TMEM223: variants seen among roughly 807,000 people sequenced by gnomAD.
The protein encoded by TMEM223 is transmembrane protein 223.
A neutral mutation model predicts 14.1 loss-of-function variants in TMEM223; 14 were observed. The ratio of observed to expected loss-of-function variants is 0.99; its 90% CI spans 0.66 to 1.55. The LOEUF (loss-of-function observed/expected upper bound fraction) is 1.55, where lower values mean the gene tolerates loss of function less well. Among genes scored for constraint, TMEM223 ranks in the 40% most tolerant of loss-of-function variants. The pLI is 0.00. For missense variants in TMEM223, 346 were observed against 269.9 expected (o/e 1.28, Z -1.97); for synonymous variants, 145 against 120.5 (o/e 1.20, Z -1.33).
At chr11:62,791,016 G>T (rs777284352) in intron 1 of TMEM223, 101 bp from the exon 2 acceptor site, 7 of 1,297,886 alleles carry the variant, frequency 5.4e-6, no homozygotes, top group Non-Finnish European at 7.2e-6. Context: ...GATGAAAGTA[G>T]TATTTACTGA....
chr11:62,771,987 C>T (rs1590931168), exon 3 of TMEM223: 2 of 402,886 alleles, frequency 5.0e-6, no homozygotes. Flanking sequence ...GTTCCCCATA[C>T]AGCTGGCGGC....
intron 1 of TMEM223, chr11:62,776,268 AT>A (rs1173329749): frequency 3.9e-6 from 4 of 1,019,872 alleles, no homozygotes; most frequent in Non-Finnish European, 6.0e-6. Context: ...TAGGCTTCTG[AT>A]CCCTAAGCGT....
chr11:62,788,420 A>G (rs1303892121), downstream of TMEM223, among the ~76,000 whole-genome samples: 2 of 150,566 alleles, frequency 1.3e-5, no homozygotes, highest in East Asian at 3.9e-4. Context: ...AAACAAAAAC[A>G]CTGGCCGGGC....
At chr11:62,787,762 C>CT (rs943793507), downstream of TMEM223, 43 of 687,114 alleles carry the variant, frequency 6.3e-5, no homozygotes, top group African/African-American at 6.7e-4. Context: ...TCAGTAGCGT[C>CT]TTAAAGCACT....
rs556313837 is a variant in TMEM223, at chr11:62,790,217, C to A, written c.*406G>T. 4.2e-6 allele frequency: 3 copies of A among 718,834 alleles called. No homozygotes were observed. The highest frequency in any genetic ancestry group is 2.8e-5 in the East Asian group (1 of 35,182). The allele number at this position is 718,834 out of a possible 1,614,324, so 44.5% of individuals were successfully genotyped here. A position where few individuals can be genotyped will look rare whatever the true frequency, so the allele number is the denominator to read the frequency against. On this transcript the variant is annotated 3_prime_UTR_variant, in exon 2 of 2. Transcript: ENST00000307366. ...ACCTCTTCCTGCAGCTGTTTTTGTACCAAAATATTATATTACTGTCTTCAT... is the reference window on the plus strand; with the variant it reads ...ACCTCTTCCTGCAGCTGTTTTTGTAACAAAATATTATATTACTGTCTTCAT...
In TMEM223 at chr11:62,790,101, A is replaced by C; in HGVS notation, c.*522T>G. 7.5e-6 allele frequency: 11 copies of C among 1,468,122 alleles called. No homozygotes were observed. The highest frequency in any genetic ancestry group is 7.2e-6 in the Non-Finnish European group (8 of 1,105,788). The allele number at this position is 1,468,122 out of a possible 1,614,324, so 90.9% of individuals were successfully genotyped here. ...AAGACTCCATGCCCAAGTGCCTGTA[A>C]TCCCCCCCCTCAAGGCCCTGTTTAT... On this transcript the variant is annotated 3_prime_UTR_variant, in exon 2 of 2. Coordinates refer to ENST00000307366, the MANE Select transcript of TMEM223 (RefSeq NM_001080501.3).
At chr11:62,777,438 A>G (rs1000921235) in intron 1 of TMEM223, among the ~76,000 whole-genome samples, 7 of 152,144 alleles carry the variant, frequency 4.6e-5, no homozygotes, top group African/African-American at 1.7e-4. Context: ...TGTTCAGAAA[A>G]GAGGGAGAGG....
At chr11:62,789,271 G>A, downstream of TMEM223, 1 of 1,614,092 alleles carries the variant, frequency 6.2e-7, no homozygotes, top group Non-Finnish European at 8.5e-7. Flanking sequence ...TCCACCACAA[G>A]GCTTGTTCTC....
At chr11:62,776,141 A>C (rs1378382677) in intron 1 of TMEM223, among the ~76,000 whole-genome samples, 1 of 152,190 alleles carries the variant, frequency 6.6e-6, no homozygotes, top group Non-Finnish European at 1.5e-5. Flanking sequence ...TCCTCACAAC[A>C]GCCCTGTTGG....
At chr11:62,789,801 TCAG>T, downstream of TMEM223, 2 of 1,542,624 alleles carry the variant, frequency 1.3e-6, no homozygotes, top group Non-Finnish European at 1.8e-6. Flanking sequence ...AGCTTAAAAT[TCAG>T]CAGTTCAGAG....
chr11:62,779,976 A>ATTTTTTTT (rs1277954265), intron 1 of TMEM223, among the ~76,000 whole-genome samples: 68 of 52,610 alleles, frequency 1.3e-3, no homozygotes, highest in South Asian at 4.3e-3. Flanking sequence ...ATATATATAT[A>ATTTTTTTT]TTTTTTTTTT....
downstream of TMEM223, chr11:62,782,898 G>A (rs969032261): frequency 1.3e-5 from 21 of 1,578,332 alleles, no homozygotes; most frequent in Admixed American, 6.9e-5. Flanking sequence ...CTTGTGCATC[G>A]TTATCTCCAA....
chr11:62,789,726 T>G, downstream of TMEM223: 1 of 1,520,174 alleles, frequency 6.6e-7, no homozygotes, highest in African/African-American at 1.4e-5. Flanking sequence ...TATCTGTAGC[T>G]GTGTGGGTGC....
chr11:62,790,175 A>C lies in TMEM223; in HGVS notation c.*448T>G. 2 of 1,050,576 alleles carry C rather than the reference A, an allele frequency of 1.9e-6. No homozygotes were observed. Among genetic ancestry groups the C allele is most frequent in the Non-Finnish European group, 2.7e-6 (2 of 754,390 alleles). 65.1% of individuals were successfully genotyped at this position (1,050,576 alleles called of 1,614,324 possible). On this transcript the variant is annotated 3_prime_UTR_variant, in exon 2 of 2. Coordinates refer to ENST00000307366, the MANE Select transcript of TMEM223 (RefSeq NM_001080501.3). ...CGTTGGGGGGTGGGGGGGAAACATA[A>C]TGACAGGCCCCCCTCCACCTCTTCC... is the stretch of plus-strand genomic sequence containing the variant.
chr11:62,787,289 C>G (rs759637135), downstream of TMEM223: 1 of 1,539,800 alleles, frequency 6.5e-7, no homozygotes, highest in Non-Finnish European at 8.7e-7. Flanking sequence ...CTGTACTTGC[C>G]GCTCTGAGTC....
downstream of TMEM223, chr11:62,786,913 C>T (rs1421918711): frequency 4.0e-6 from 6 of 1,504,832 alleles, no homozygotes; most frequent in Admixed American, 4.4e-5. Context: ...CATAGTCAGC[C>T]CGCACGGCGA....
downstream of TMEM223, chr11:62,789,652 GT>G: frequency 6.5e-7 from 1 of 1,550,288 alleles, no homozygotes; most frequent in Non-Finnish European, 8.7e-7. Context: ...CTGCTCTGCA[GT>G]TTTACTCCAA....
intron 1 of TMEM223, chr11:62,775,911 G>T: frequency 6.2e-7 from 1 of 1,612,092 alleles, no homozygotes; most frequent in Admixed American, 1.7e-5. Flanking sequence ...GTGTGCTATC[G>T]TCTGAGAGAG....
At position 62,790,886 on chromosome 11, in the gene TMEM223, A is replaced by G. The variant is rs948798253; in HGVS notation, c.346T>C (p.Phe116Leu). 5.0e-6 allele frequency: 8 copies of G among 1,598,114 alleles called. No homozygotes were observed. Among genetic ancestry groups the G allele is most frequent in the African/African-American group, 1.3e-5 (1 of 74,556 alleles). The change falls in exon 2 of 2, where the codon TTC (phenylalanine) becomes CTC (leucine). Residue 116 changes from phenylalanine (F) to leucine (L), a missense_variant. By Grantham distance (22) the Phe-to-Leu change is conservative (BLOSUM62 0). Transcript: ENST00000307366. ...ACTGAGCGCACAGACCGGAGAGAGA[A>G]GAGAAGACCAGCACCGAGTACGAGG... ...GALVLGAGLL[F>L]SLRSVRSVVL... is the part of the protein sequence containing the mutation.
Sources: allele counts gnomAD v4.1 joint callset (sites outside exome capture counted in the v4.1 genomes callset), GRCh38; gene constraint gnomAD v4.1.1; transcripts MANE v1.5; gene names NCBI Gene and HGNC (gene_info 2026-07-23, HGNC 2026-07-21).